NAALADL2: variants seen among roughly 807,000 people sequenced by gnomAD.
NAALADL2 encodes N-acetylated alpha-linked acidic dipeptidase like 2.
NAALADL2 carries 76 observed loss-of-function variants against 87.2 expected under a neutral mutation model. The ratio of observed to expected loss-of-function variants is 0.87; its 90% CI spans 0.72 to 1.05. The LOEUF (loss-of-function observed/expected upper bound fraction) is 1.05. Ranked by LOEUF, NAALADL2 falls within the 50% of genes least tolerant of loss-of-function variation. The pLI, the probability that NAALADL2 is intolerant of heterozygous loss-of-function variation, is 0.00. For synonymous variants in NAALADL2, 354 were observed against 331.0 expected (o/e 1.07, Z -0.75); for missense variants, 1,089 against 945.8 (o/e 1.15, Z -1.99).
intron 1 of NAALADL2, among the ~76,000 whole-genome samples, chr3:174,530,847 C>T (rs993841691): frequency 6.6e-6 from 1 of 152,106 alleles, no homozygotes; most frequent in African/African-American, 2.4e-5. Flanking sequence ...GACTCCATCT[C>T]AAAACAAAAC....
intron 2 of NAALADL2, among the ~76,000 whole-genome samples, chr3:175,173,684 C>A (rs1735224251): frequency 6.6e-6 from 1 of 152,204 alleles, no homozygotes; most frequent in Non-Finnish European, 1.5e-5. Flanking sequence ...GCTTCATTTT[C>A]ATGTTCCCTA....
chr3:174,605,549 G>A lies in NAALADL2; in HGVS notation c.-115+54912G>A, dbSNP rs113700522. Among the ~76,000 whole-genome samples, 21 of 152,230 alleles carry A rather than the reference G, an allele frequency of 1.4e-4. 1 individual carries two copies. Among genetic ancestry groups the A allele is most frequent in the African/African-American group, 4.8e-4 (20 of 41,566 alleles). On this transcript the variant is annotated intron_variant, in intron 2 of 3. Transcript: ENST00000434257. Reference sequence around the variant, plus strand: ...CTGGCTCGGAGGGTCCTACGCCCACGGAGTCTCTGATTGCTAGCACAGCAG... The same window carrying A: ...CTGGCTCGGAGGGTCCTACGCCCACAGAGTCTCTGATTGCTAGCACAGCAG...
At chr3:174,509,251 G>A (rs1442422464) in intron 1 of NAALADL2, among the ~76,000 whole-genome samples, 3 of 152,050 alleles carry the variant, frequency 2.0e-5, no homozygotes, top group Admixed American at 6.5e-5. Flanking sequence ...AAAGAAGGAT[G>A]TTAGCTGTAG....
intron 9 of NAALADL2, among the ~76,000 whole-genome samples, chr3:175,479,164 T>C (rs922841077): frequency 5.3e-5 from 8 of 151,960 alleles, no homozygotes; most frequent in African/African-American, 1.9e-4. Flanking sequence ...GTTTTTGCCA[T>C]TTCTCTTTTT....
chr3:175,729,923 C>T (rs1743446871), intron 11 of NAALADL2, among the ~76,000 whole-genome samples: 1 of 151,934 alleles, frequency 6.6e-6, no homozygotes, highest in Non-Finnish European at 1.5e-5. Flanking sequence ...AAAAAAATCC[C>T]ATGATAATAG....
At chr3:175,334,123 A>G (rs547410697) in intron 5 of NAALADL2, among the ~76,000 whole-genome samples, 28 of 152,286 alleles carry the variant, frequency 1.8e-4, no homozygotes, top group African/African-American at 6.7e-4. Context: ...CATTTCTCCA[A>G]AAATCTCTAG....
intron 3 of NAALADL2, among the ~76,000 whole-genome samples, chr3:175,249,052 C>T (rs1217800427): frequency 1.3e-5 from 2 of 151,782 alleles, no homozygotes; most frequent in African/African-American, 4.8e-5. Flanking sequence ...TTAGGGAGTA[C>T]AACTGAATAG....
At chr3:174,919,592 TC>T (rs1013097043) in intron 1 of NAALADL2, among the ~76,000 whole-genome samples, 2 of 152,176 alleles carry the variant, frequency 1.3e-5, no homozygotes, top group Non-Finnish European at 2.9e-5. Context: ...AGTTATCTCC[TC>T]CACTGAAGTC....
At chr3:175,270,825 A>G (rs1324253233) in intron 4 of NAALADL2, among the ~76,000 whole-genome samples, 1 of 152,156 alleles carries the variant, frequency 6.6e-6, no homozygotes, top group Non-Finnish European at 1.5e-5. Context: ...CTCTTCCAGT[A>G]TAGTACTGAT....
intron 1 of NAALADL2, among the ~76,000 whole-genome samples, chr3:174,450,498 A>C (rs1257751214): frequency 1.3e-5 from 2 of 152,050 alleles, no homozygotes; most frequent in Non-Finnish European, 2.9e-5. Context: ...GATTCTTGCT[A>C]CTCTTTGGAA....
At chr3:175,277,319 G>A (rs1753734066) in intron 4 of NAALADL2, among the ~76,000 whole-genome samples, 1 of 152,114 alleles carries the variant, frequency 6.6e-6, no homozygotes, top group Non-Finnish European at 1.5e-5. Context: ...GTGTCAACAA[G>A]TGCTCATGTT....
intron 1 of NAALADL2, among the ~76,000 whole-genome samples, chr3:174,504,201 G>A (rs1302600239): frequency 6.6e-6 from 1 of 152,062 alleles, no homozygotes; most frequent in South Asian, 2.1e-4. Flanking sequence ...TATCTAAATT[G>A]TATTGTGAAG....
chr3:175,587,358 C>T (rs1399720095), intron 10 of NAALADL2, among the ~76,000 whole-genome samples: 1 of 152,130 alleles, frequency 6.6e-6, no homozygotes, highest in Non-Finnish European at 1.5e-5. Flanking sequence ...AAAGGGTCAA[C>T]AGTATTTTCA....
At chr3:175,102,965 C>T (rs1428841067) in intron 2 of NAALADL2, among the ~76,000 whole-genome samples, 4 of 151,920 alleles carry the variant, frequency 2.6e-5, no homozygotes, top group Admixed American at 6.6e-5. Flanking sequence ...AAAAATTACC[C>T]GGGCATGGTG....
intron 2 of NAALADL2, among the ~76,000 whole-genome samples, chr3:175,204,575 A>G (rs991032875): frequency 7.2e-5 from 11 of 152,296 alleles, no homozygotes; most frequent in African/African-American, 2.4e-4. Flanking sequence ...CCTCTTCAAC[A>G]TAGAACTGGA....
At chr3:175,646,004 T>G (rs988460867) in intron 11 of NAALADL2, among the ~76,000 whole-genome samples, 1 of 152,116 alleles carries the variant, frequency 6.6e-6, no homozygotes, top group Non-Finnish European at 1.5e-5. Flanking sequence ...CATGTGAAGA[T>G]AATCCAGTAT....
chr3:175,218,783 A>ATTATT (rs369523162), intron 2 of NAALADL2, among the ~76,000 whole-genome samples: 516 of 151,872 alleles, frequency 3.4e-3, no homozygotes, highest in South Asian at 0.013. Context: ...TATTCATTTC[A>ATTATT]TTATTTTATT....
At chr3:175,417,144 G>T (rs1234057399) in intron 5 of NAALADL2, among the ~76,000 whole-genome samples, 1 of 147,426 alleles carries the variant, frequency 6.8e-6, no homozygotes, top group East Asian at 2.0e-4. Flanking sequence ...GTCCAGCCAG[G>T]TGCCAAAACT....
At chr3:175,542,197 A>G (rs1712471239) in intron 9 of NAALADL2, among the ~76,000 whole-genome samples, 1 of 152,242 alleles carries the variant, frequency 6.6e-6, no homozygotes, top group Non-Finnish European at 1.5e-5. Flanking sequence ...GATCTCTTGC[A>G]TAAAAGCACT....
Sources: gnomAD v4.1 joint callset for allele counts (sites outside exome capture counted in the v4.1 genomes callset) on GRCh38, gnomAD v4.1.1 for gene constraint, MANE v1.5 for transcripts, NCBI Gene and HGNC (gene_info 2026-07-23, HGNC 2026-07-21) for gene names.